HIVEP2: variants seen among roughly 807,000 people sequenced by gnomAD.
The protein encoded by HIVEP2 is HIVEP zinc finger 2.
HIVEP2 carries 14 observed loss-of-function variants against 180.7 expected under a neutral mutation model. The ratio of observed to expected loss-of-function variants is 0.08; its 90% CI spans 0.05 to 0.12. The LOEUF is 0.12. HIVEP2 is among the 10% of genes least tolerant of loss of function. HIVEP2 has a pLI of 1.00. For synonymous variants in HIVEP2, 1,184 were observed against 1,136.4 expected (o/e 1.04, Z -0.84); for missense variants, 2,579 against 3,008.5 (o/e 0.86, Z 3.34).
intron 1 of HIVEP2, among the ~76,000 whole-genome samples, chr6:142,903,059 G>A (rs375029549): frequency 6.6e-6 from 1 of 152,144 alleles, no homozygotes; most frequent in Non-Finnish European, 1.5e-5. Flanking sequence ...TTTCTCTGGT[G>A]TTTTCTCCTT....
intron 2 of HIVEP2, among the ~76,000 whole-genome samples, chr6:142,810,846 C>T (rs1776680155): frequency 6.6e-6 from 1 of 151,222 alleles, no homozygotes. Context: ...TAGGATCTGT[C>T]TTCAAACTGA....
chr6:142,821,189 G>A (rs906573634), intron 2 of HIVEP2, among the ~76,000 whole-genome samples: 1 of 151,530 alleles, frequency 6.6e-6, no homozygotes, highest in African/African-American at 2.4e-5. Flanking sequence ...GATTAAAGCC[G>A]AACAGACTTT....
intron 1 of HIVEP2, among the ~76,000 whole-genome samples, chr6:142,938,735 C>T (rs541179035): frequency 4.5e-4 from 68 of 152,308 alleles, no homozygotes; most frequent in Admixed American, 1.5e-3. Context: ...TTTCCCTAGG[C>T]TTCTGAACTC....
rs975798701 is a variant in HIVEP2, at chr6:142,773,796, A to G, written c.943T>C (p.Leu315=). ...ATTGGACCTCCCAATGATTCTTCCA[A>G]TGACCCATGATAGCCGCCTCTGCTG... ...IASRGGYHGS[L]EESLGGPMKV... is the part of the protein sequence containing the mutation. Residue 315 remains leucine (L), a synonymous_variant, in exon 5 of 10, where the codon TTG becomes CTG. Coordinates refer to ENST00000367603, the MANE Select transcript of HIVEP2 (RefSeq NM_006734.4). The G allele has an allele frequency of 1.9e-6, 3 of 1,613,850 alleles. No individual in the cohort carries two copies. The highest frequency in any genetic ancestry group is 2.2e-5 in the East Asian group (1 of 44,894).
At chr6:142,785,065 T>G (rs1775952487) in intron 2 of HIVEP2, among the ~76,000 whole-genome samples, 1 of 151,794 alleles carries the variant, frequency 6.6e-6, no homozygotes, top group South Asian at 2.1e-4. Flanking sequence ...TTTTTTTGCA[T>G]TTTTAGTAGA....
At chr6:142,823,407 AGAGTGACT>A (rs1183648006) in intron 2 of HIVEP2, among the ~76,000 whole-genome samples, 2 of 152,218 alleles carry the variant, frequency 1.3e-5, no homozygotes, top group African/African-American at 4.8e-5. Context: ...CACCAGTCAA[AGAGTGACT>A]GAGTTGGAAT....
At chr6:142,853,187 GA>G (rs1775733750) in intron 1 of HIVEP2, among the ~76,000 whole-genome samples, 2 of 152,278 alleles carry the variant, frequency 1.3e-5, no homozygotes, top group African/African-American at 4.8e-5. Flanking sequence ...GGAATCCAAG[GA>G]AATTACCAGA....
At position 142,772,614 on chromosome 6, in the gene HIVEP2, T is replaced by C; in HGVS notation, c.2125A>G (p.Thr709Ala). ...KEKSVGDEED[T>A]PMICSSIVST... ...ACAATGCTGCTGCAGATCATGGGCGTGTCCTCTTCATCCCCTACGCTCTTC... is the reference window on the plus strand; with the variant it reads ...ACAATGCTGCTGCAGATCATGGGCGCGTCCTCTTCATCCCCTACGCTCTTC... Residue 709 changes from threonine (T) to alanine (A), a missense_variant, in exon 5 of 10, where the codon ACG (threonine) becomes GCG (alanine). Around this residue, in one of 11 missense-constraint regions of HIVEP2, gnomAD observed 524 missense variants for 563.6 expected, o/e 0.93. Coordinates refer to ENST00000367603, the MANE Select transcript of HIVEP2 (RefSeq NM_006734.4). The surrounding 1 kb of genome is among the most constrained non-coding windows in gnomAD (Gnocchi z 4.9). 1 of 1,614,250 alleles carries C rather than the reference T, an allele frequency of 6.2e-7. No individual in the cohort carries two copies. The highest frequency in any genetic ancestry group is 8.5e-7 in the Non-Finnish European group (1 of 1,180,046).
intron 1 of HIVEP2, among the ~76,000 whole-genome samples, chr6:142,849,945 C>T (rs1775608230): frequency 6.6e-6 from 1 of 152,102 alleles, no homozygotes. Flanking sequence ...CCTACTAAGC[C>T]ACAGCATCAC....
intron 3 of HIVEP2, among the ~76,000 whole-genome samples, chr6:142,780,554 C>T (rs1775834084): frequency 2.6e-5 from 4 of 152,206 alleles, no homozygotes; most frequent in East Asian, 3.9e-4. Flanking sequence ...AGAAAGTGAG[C>T]GATGGCTTCT....
intron 1 of HIVEP2, among the ~76,000 whole-genome samples, chr6:142,901,629 C>T (rs986018616): frequency 2.6e-5 from 4 of 152,166 alleles, no homozygotes; most frequent in Admixed American, 2.0e-4. Flanking sequence ...AAATCAAATG[C>T]AAAGGAGTTA....
In HIVEP2 at chr6:142,892,914, C is replaced by A. The variant is rs139391246; in HGVS notation, c.-641+52185G>T. Among the ~76,000 whole-genome samples, 171 of 152,256 alleles carry A rather than the reference C, an allele frequency of 1.1e-3. 1 individual carries two copies. The highest frequency in any genetic ancestry group is 1.2e-3 in the Non-Finnish European group (84 of 68,004). On this transcript the variant is annotated intron_variant, in intron 1 of 9. Coordinates refer to ENST00000367603, the MANE Select transcript of HIVEP2 (RefSeq NM_006734.4). ...ACTCTCAGAAGTATAATCATTCCATCGTACCAAAAAGGAAAGTGGAGCTCG... is the reference window on the plus strand; with the variant it reads ...ACTCTCAGAAGTATAATCATTCCATAGTACCAAAAAGGAAAGTGGAGCTCG...
At chr6:142,816,029 T>C (rs566027916) in intron 2 of HIVEP2, among the ~76,000 whole-genome samples, 2 of 152,296 alleles carry the variant, frequency 1.3e-5, no homozygotes, top group East Asian at 3.9e-4. Flanking sequence ...TGGAACCTTA[T>C]TGGAGACACA....
chr6:142,793,673 T>TTCTTTCTTTCTTTCTTTC (rs1289211652), intron 2 of HIVEP2, among the ~76,000 whole-genome samples: 21 of 107,510 alleles, frequency 2.0e-4, no homozygotes, highest in African/African-American at 7.0e-4. Context: ...CTTTCTTTCT[T>TTCTTTCTTTCTTTCTTTC]TCTCTCTCTC....
intron 7 of HIVEP2, among the ~76,000 whole-genome samples, chr6:142,764,421 A>C (rs1303987406): frequency 1.3e-5 from 2 of 152,240 alleles, no homozygotes. Flanking sequence ...CCAAGAGCAC[A>C]TGTTTTCTTC....
chr6:142,772,966 T>C lies in HIVEP2; in HGVS notation c.1773A>G (p.Arg591=), dbSNP rs1775592142. Residue 591 remains arginine, a synonymous_variant, in exon 5 of 10, where the codon AGA becomes AGG. Coordinates refer to ENST00000367603, the MANE Select transcript of HIVEP2 (RefSeq NM_006734.4). This position sits in a 1 kb window ranked among gnomAD's most constrained non-coding sequence, Gnocchi z 4.9. ...TVGIPPQRML[R]RQAAFELPSV... ...AAGGCAGCTCAAATGCCGCTTGTCT[T>C]CTTAGCATGCGCTGAGGGGGTATGC... 1 of 1,614,200 alleles carries C rather than the reference T, an allele frequency of 6.2e-7. No individual in the cohort carries two copies. The highest frequency in any genetic ancestry group is 8.5e-7 in the Non-Finnish European group (1 of 1,180,034).
chr6:142,879,695 G>A (rs1391562204), intron 1 of HIVEP2, among the ~76,000 whole-genome samples: 1 of 152,082 alleles, frequency 6.6e-6, no homozygotes, highest in Non-Finnish European at 1.5e-5. Flanking sequence ...AGCTGTCTGA[G>A]CAGCTGCAGA....
At chr6:142,911,244 A>T (rs1413788419) in intron 1 of HIVEP2, among the ~76,000 whole-genome samples, 2 of 152,146 alleles carry the variant, frequency 1.3e-5, no homozygotes, top group Non-Finnish European at 2.9e-5. Flanking sequence ...CCTAGGACTG[A>T]ACAGAATACA....
intron 1 of HIVEP2, among the ~76,000 whole-genome samples, chr6:142,914,645 T>C (rs189882363): frequency 9.2e-5 from 14 of 152,312 alleles, no homozygotes; most frequent in African/African-American, 2.2e-4. Context: ...CCTTGGTGCA[T>C]AGTAGTTGGT....
Sources: gnomAD v4.1 joint callset for allele counts (sites outside exome capture counted in the v4.1 genomes callset) on GRCh38, gnomAD v4.1.1 for gene constraint, gnomAD v4.1.1 regional missense constraint, Gnocchi (gnomAD v3.1) non-coding constraint, MANE v1.5 for transcripts, NCBI Gene and HGNC (gene_info 2026-07-23, HGNC 2026-07-21) for gene names.